The following NOTCH2 variants were observed in gnomAD, a reference collection of about 807,000 sequenced individuals.
NOTCH2 encodes the protein neurogenic locus notch homolog protein 2.
In NOTCH2, 29 loss-of-function variants were observed where a neutral mutation model predicts 235.8. The observed-to-expected ratio is 0.12, with a 90% CI of 0.09 to 0.17. The LOEUF (loss-of-function observed/expected upper bound fraction) is 0.17. NOTCH2 is among the 10% of genes least tolerant of loss of function. NOTCH2 has a pLI of 1.00. For synonymous variants in NOTCH2, 1,086 were observed against 1,141.5 expected (o/e 0.95, Z 0.98); for missense variants, 2,285 against 3,150.2 (o/e 0.73, Z 6.57).
Position 119,915,495 on chromosome 1 carries a change from C to A in NOTCH2, c.7227G>T (p.Gln2409His). 6.2e-7 allele frequency: 1 copy of A among 1,614,098 alleles called. No homozygotes were observed. Among genetic ancestry groups the A allele is most frequent in the Non-Finnish European group, 8.5e-7 (1 of 1,180,008 alleles). The change falls in exon 34 of 34, where the codon CAG (glutamine) becomes CAT (histidine). Residue 2409 changes from glutamine (Q) to histidine (H), a missense_variant. Physicochemically the swap from Gln to His is conservative, Grantham distance 24. This residue lies in a region of NOTCH2 where 504 missense variants were observed against 538.0 expected (regional missense o/e 0.94). Coordinates refer to ENST00000256646, the MANE Select transcript of NOTCH2 (RefSeq NM_024408.4). Reference protein sequence around the residue: ...ERTPSHSGHLQGEHPYLTPSP... With the variant: ...ERTPSHSGHLHGEHPYLTPSP... ...ATGGTGTCAGGTAGGGATGCTCACC[C>A]TGGAGGTGACCACTGTGACTGGGTG...
Position 120,007,118 on chromosome 1 carries a change from A to T in NOTCH2, c.156-1530T>A, listed in dbSNP as rs587723921. Among the ~76,000 whole-genome samples the T allele has an allele frequency of 5.9e-5, 9 of 152,190 alleles. No individual in the cohort carries two copies. The South Asian group carries it at 1.9e-3, about 32-fold the overall frequency. On this transcript the variant is annotated intron_variant, in intron 2 of 33. Coordinates refer to ENST00000256646, the MANE Select transcript of NOTCH2 (RefSeq NM_024408.4). ...GCAAGGAGCGGCTAAGGCTCTGGGCATCTTCATGAGTAGGTGTAGCTACAG... is the reference window on the plus strand; with the variant it reads ...GCAAGGAGCGGCTAAGGCTCTGGGCTTCTTCATGAGTAGGTGTAGCTACAG...
At chr1:119,923,503 G>C (rs1485734281) in intron 26 of NOTCH2, 134 bp downstream of exon 26, 4 of 804,292 alleles carry the variant, frequency 5.0e-6, no homozygotes, top group Non-Finnish European at 8.5e-6. Flanking sequence ...TGGGGTAACG[G>C]GTTTATCTTA....
At chr1:120,047,675 C>T (rs1654834853) in intron 1 of NOTCH2, among the ~76,000 whole-genome samples, 1 of 148,054 alleles carries the variant, frequency 6.8e-6, no homozygotes, top group East Asian at 2.0e-4. Context: ...CAGAGTGAGG[C>T]CCTGTCTCAA....
intron 19 of NOTCH2, among the ~76,000 whole-genome samples, chr1:119,940,124 T>C (rs1553196276): frequency 6.6e-6 from 1 of 152,220 alleles, no homozygotes; most frequent in Non-Finnish European, 1.5e-5. Context: ...ATATGTAAAT[T>C]GTTTGGTTTT....
intron 5 of NOTCH2, among the ~76,000 whole-genome samples, chr1:119,971,561 C>G (rs1167231865): frequency 6.6e-6 from 1 of 152,132 alleles, no homozygotes; most frequent in Non-Finnish European, 1.5e-5. Flanking sequence ...TGGCTCACAC[C>G]TGTAAACCCA....
At chr1:120,063,746 T>C (rs1236300163) in intron 1 of NOTCH2, among the ~76,000 whole-genome samples, 1 of 152,124 alleles carries the variant, frequency 6.6e-6, no homozygotes, top group East Asian at 1.9e-4. Flanking sequence ...TTCTAAAACT[T>C]TCCTAATGTA....
rs370648780 is a variant in NOTCH2 at position 119,915,683 on chromosome 1, G to A, written c.7039C>T (p.Arg2347Cys). The change falls in exon 34 of 34, where the codon CGT becomes TGT. Residue 2347 changes from arginine to cysteine, a missense_variant. Physicochemically the swap from Arg to Cys is radical, Grantham distance 180. Coordinates refer to ENST00000256646, the MANE Select transcript of NOTCH2 (RefSeq NM_024408.4). ...PTMYQIPEMA[R>C]LPSVAFPTAM... The stretch of plus-strand genomic sequence containing the variant: ...GTGGGGAAAGCCACACTGGGCAAAC[G>A]GGCCATTTCTGGAATCTGGTACATG... The A allele has an allele frequency of 2.0e-5, 32 of 1,612,860 alleles. No homozygotes were observed. The highest frequency in any genetic ancestry group is 2.5e-5 in the Non-Finnish European group (30 of 1,179,308).
intron 5 of NOTCH2, among the ~76,000 whole-genome samples, chr1:119,975,002 C>T (rs1553200749): frequency 1.3e-5 from 2 of 152,194 alleles, no homozygotes; most frequent in African/African-American, 2.4e-5. Flanking sequence ...GCTCATTTTA[C>T]AGATGAGGAA....
chr1:120,033,644 G>A (rs1431013227), intron 1 of NOTCH2, among the ~76,000 whole-genome samples: 1 of 148,166 alleles, frequency 6.7e-6, no homozygotes, highest in Non-Finnish European at 1.5e-5. Context: ...GGTTACGGAA[G>A]CTGTGGGCCT....
At chr1:120,065,638 A>C (rs1655477364) in intron 1 of NOTCH2, among the ~76,000 whole-genome samples, 1 of 152,194 alleles carries the variant, frequency 6.6e-6, no homozygotes, top group South Asian at 2.1e-4. Context: ...AAACCAATTA[A>C]TAACAGACCT....
Position 119,920,373 on chromosome 1 carries a change from C to T in NOTCH2, c.5335G>A (p.Glu1779Lys), listed in dbSNP as rs754237679. 19 of 1,614,102 alleles carry T rather than the reference C, an allele frequency of 1.2e-5. 1 individual carries two copies. In the South Asian group the frequency reaches 1.4e-4, roughly 12 times the overall value. Reference sequence around the variant, plus strand: ...CGTCGATCAATGGGGTCATCTTCTTCTGAGAGTAAGGCCTCATCTTCAGCC... The same window carrying T: ...CGTCGATCAATGGGGTCATCTTCTTTTGAGAGTAAGGCCTCATCTTCAGCC... ...VKAEDEALLSEEDDPIDRRPW... is the reference protein window; with the variant it reads ...VKAEDEALLSKEDDPIDRRPW... The change falls in exon 30 of 34, where the codon GAA becomes AAA. Residue 1779 changes from glutamate (E) to lysine (K), a missense_variant. By Grantham distance (56) the Glu-to-Lys change is moderately conservative (BLOSUM62 1). Around this residue, in one of 6 missense-constraint regions of NOTCH2, gnomAD observed 1,173 missense variants for 1,515.3 expected, o/e 0.77. Coordinates refer to ENST00000256646, the MANE Select transcript of NOTCH2 (RefSeq NM_024408.4).
intron 4 of NOTCH2, 43 bp from the exon 5 acceptor site, chr1:119,987,125 G>A: frequency 6.2e-7 from 1 of 1,610,882 alleles, no homozygotes; most frequent in Non-Finnish European, 8.5e-7. Flanking sequence ...ATCTCATACA[G>A]AAGAAACGAC....
At position 120,069,641 on chromosome 1, in the gene NOTCH2, C is replaced by A. The variant is rs1363035296; in HGVS notation, c.-235G>T. 1.4e-6 allele frequency: 2 copies of A among 1,392,712 alleles called. No homozygotes were observed. The highest frequency in any genetic ancestry group is 6.4e-5 in the Admixed American group (2 of 31,024). 86.3% of individuals were successfully genotyped at this position (1,392,712 alleles called of 1,614,324 possible). Reference sequence around the variant, plus strand: ...GCCCGAAGTTTGGCTGAAACTTTCTCGGGTGTGCAACGAAGCAGCCTCGTG... The same window carrying A: ...GCCCGAAGTTTGGCTGAAACTTTCTAGGGTGTGCAACGAAGCAGCCTCGTG... On this transcript the variant is annotated 5_prime_UTR_variant, in exon 1 of 34. Coordinates refer to ENST00000256646, the MANE Select transcript of NOTCH2 (RefSeq NM_024408.4).
intron 12 of NOTCH2, among the ~76,000 whole-genome samples, chr1:119,957,610 C>T (rs1310962131): frequency 2.0e-5 from 3 of 152,084 alleles, no homozygotes; most frequent in African/African-American, 7.2e-5. Context: ...AAAATCATCT[C>T]AGACATAGGC....
intron 22 of NOTCH2, among the ~76,000 whole-genome samples, chr1:119,931,036 G>A (rs1553195036): frequency 6.9e-6 from 1 of 145,720 alleles, no homozygotes; most frequent in Non-Finnish European, 1.5e-5. Flanking sequence ...CTGGGAGGTG[G>A]AGCTTGCAGT....
At chr1:120,000,589 T>A (rs1652711188) in intron 3 of NOTCH2, among the ~76,000 whole-genome samples, 2 of 136,696 alleles carry the variant, frequency 1.5e-5, no homozygotes, top group African/African-American at 2.8e-5. Context: ...CAAGAAGAGA[T>A]CCTTCTTAAC....
intron 5 of NOTCH2, among the ~76,000 whole-genome samples, chr1:119,979,688 T>C (rs1570711602): frequency 6.6e-6 from 1 of 152,186 alleles, no homozygotes; most frequent in South Asian, 2.1e-4. Flanking sequence ...TACAACTAAG[T>C]TGAAAATATT....
intron 5 of NOTCH2, among the ~76,000 whole-genome samples, chr1:119,971,417 C>G (rs781871099): frequency 6.6e-6 from 1 of 152,212 alleles, no homozygotes; most frequent in Non-Finnish European, 1.5e-5. Context: ...GCATCTGATC[C>G]AAGCTACATC....
intron 5 of NOTCH2, among the ~76,000 whole-genome samples, chr1:119,982,676 T>C (rs1357757858): frequency 1.3e-5 from 2 of 152,246 alleles, no homozygotes; most frequent in Non-Finnish European, 2.9e-5. Flanking sequence ...TAAAGGAATA[T>C]CCAGTATTCA....
Sources: allele counts gnomAD v4.1 joint callset (sites outside exome capture counted in the v4.1 genomes callset), GRCh38; gene constraint gnomAD v4.1.1; regional missense constraint gnomAD v4.1.1; transcripts MANE v1.5; gene names NCBI Gene and HGNC (gene_info 2026-07-23, HGNC 2026-07-21).